Variants in SORCS1 observed in about 807,000 individuals in gnomAD.
The protein encoded by SORCS1 is sortilin related VPS10 domain containing receptor 1.
A neutral mutation model predicts 146.1 loss-of-function variants in SORCS1; 60 were observed. That is an observed-to-expected ratio of 0.41 (90% CI 0.33 to 0.51). SORCS1 has a LOEUF of 0.51. Among genes scored for constraint, SORCS1 ranks in the 20% least tolerant of loss-of-function variants. The pLI, the probability that SORCS1 is intolerant of heterozygous loss-of-function variation, is 0.21. For synonymous variants in SORCS1, 637 were observed against 584.0 expected, an observed-to-expected ratio of 1.09 and a Z score of -1.31; for missense variants, 1,352 against 1,487.6, an observed-to-expected ratio of 0.91 and a Z score of 1.50.
At chr10:106,869,490 C>G (rs1236162053) in intron 2 of SORCS1, among the ~76,000 whole-genome samples, 3 of 152,142 alleles carry the variant, frequency 2.0e-5, no homozygotes, top group Non-Finnish European at 4.4e-5. Context: ...AAAGTTAATC[C>G]ACCATGATCA....
chr10:106,961,905 T>C (rs536435557), intron 1 of SORCS1, among the ~76,000 whole-genome samples: 1 of 152,364 alleles, frequency 6.6e-6, no homozygotes, highest in East Asian at 1.9e-4. Flanking sequence ...CACTCTGCTA[T>C]ACATTGCCAC....
At chr10:107,018,388 G>A (rs549734981) in intron 1 of SORCS1, among the ~76,000 whole-genome samples, 11 of 151,174 alleles carry the variant, frequency 7.3e-5, no homozygotes, top group South Asian at 2.1e-4. Context: ...GGGTTTCACC[G>A]TGTTAGCCAG....
chr10:106,956,742 C>T lies in SORCS1; in HGVS notation c.559-162G>A, dbSNP rs555005579. 9.3e-4 allele frequency among the ~76,000 whole-genome samples: 141 copies of T among 152,318 alleles called. 1 individual carries two copies. Among genetic ancestry groups the T allele is most frequent in the African/African-American group, 3.3e-3 (139 of 41,562 alleles). On this transcript the variant is annotated intron_variant, in intron 1 of 25. Transcript: ENST00000263054. Reference sequence around the variant, plus strand: ...ACTGACTGGGGAAAGGTTGGCTTGTCTTTCTGCCTTCCACTGAATTGCTTA... The same window carrying T: ...ACTGACTGGGGAAAGGTTGGCTTGTTTTTCTGCCTTCCACTGAATTGCTTA...
chr10:106,706,164 T>A (rs972169253), intron 8 of SORCS1, among the ~76,000 whole-genome samples: 2 of 140,468 alleles, frequency 1.4e-5, no homozygotes, highest in African/African-American at 5.3e-5. Context: ...ATATGAATGT[T>A]CCTATAGCAA....
At chr10:107,051,063 C>G (rs1960061770) in intron 1 of SORCS1, among the ~76,000 whole-genome samples, 1 of 152,066 alleles carries the variant, frequency 6.6e-6, no homozygotes, top group Admixed American at 6.6e-5. Context: ...CAATTGAACA[C>G]CTACAATGGA....
intron 3 of SORCS1, 126 bp downstream of exon 3, chr10:106,829,448 T>TC (rs1317379516): frequency 1.6e-6 from 1 of 635,376 alleles, no homozygotes; most frequent in Non-Finnish European, 2.8e-6. Flanking sequence ...TTAACATCCA[T>TC]CAACCCATCT....
chr10:107,154,083 C>T (rs926605449), intron 1 of SORCS1, among the ~76,000 whole-genome samples: 2 of 135,594 alleles, frequency 1.5e-5, no homozygotes, highest in Non-Finnish European at 3.0e-5. Flanking sequence ...ACCATCTTGG[C>T]TCACTGCAAC....
chr10:107,086,561 A>G (rs1481245893), intron 1 of SORCS1, among the ~76,000 whole-genome samples: 1 of 152,252 alleles, frequency 6.6e-6, no homozygotes, highest in Non-Finnish European at 1.5e-5. Context: ...TTCGCCATTT[A>G]TAGCTGTGGA....
chr10:106,752,251 GA>G (rs1858311464), intron 5 of SORCS1, among the ~76,000 whole-genome samples: 1 of 152,114 alleles, frequency 6.6e-6, no homozygotes. Context: ...TAAATTCAGA[GA>G]AGAAAGAGAT....
chr10:106,917,292 C>T (rs1952492569), intron 2 of SORCS1, among the ~76,000 whole-genome samples: 1 of 152,176 alleles, frequency 6.6e-6, no homozygotes, highest in Admixed American at 6.5e-5. Context: ...ACTGGCACTA[C>T]ATCTATTTTG....
At chr10:106,796,916 T>C (rs540545637) in intron 3 of SORCS1, among the ~76,000 whole-genome samples, 95 of 152,292 alleles carry the variant, frequency 6.2e-4, no homozygotes, top group African/African-American at 2.1e-3. Context: ...GAGACCATCC[T>C]GCCAACATGG....
Position 107,060,343 on chromosome 10 carries a change from G to A in SORCS1, c.558+103626C>T, listed in dbSNP as rs1197093355. ...TACTAGTACTGAGGAGGGTTCTTGCGAGATTAAAGTTAATTAAAAGATGAG... is the reference window on the plus strand; with the variant it reads ...TACTAGTACTGAGGAGGGTTCTTGCAAGATTAAAGTTAATTAAAAGATGAG... On this transcript the variant is annotated intron_variant, in intron 1 of 25. Coordinates refer to ENST00000263054, the MANE Select transcript of SORCS1 (RefSeq NM_052918.5). This position sits in a 1 kb window ranked among gnomAD's most constrained non-coding sequence, Gnocchi z 4.1. Among the ~76,000 whole-genome samples the A allele has an allele frequency of 2.0e-5, 3 of 152,152 alleles. No individual in the cohort carries two copies. Among genetic ancestry groups the A allele is most frequent in the Non-Finnish European group, 4.4e-5 (3 of 68,034 alleles).
chr10:106,954,939 C>G (rs975054779), intron 2 of SORCS1, among the ~76,000 whole-genome samples: 3 of 152,354 alleles, frequency 2.0e-5, no homozygotes, highest in African/African-American at 7.2e-5. Flanking sequence ...CACCCAACAG[C>G]GAGTGAGAAA....
In SORCS1 at chr10:106,688,281, T is replaced by A. The variant is rs770320188; in HGVS notation, c.1471A>T (p.Thr491Ser). ...ANKKIDNQVK[T>S]FITYNKGRDW... ...CTGCCTTTGTTATATGTGATGAAAG[T>A]CTTCACTTGGTTGTCAATCTTCTTG... The change falls in exon 10 of 26, where the codon ACT becomes TCT. Residue 491 changes from threonine (T) to serine (S), a missense_variant. Around this residue, in one of 3 missense-constraint regions of SORCS1, gnomAD observed 648 missense variants for 793.8 expected, o/e 0.82. Coordinates refer to ENST00000263054, the MANE Select transcript of SORCS1 (RefSeq NM_052918.5). The A allele has an allele frequency of 1.4e-5, 23 of 1,613,944 alleles. No individual in the cohort carries two copies. The highest frequency in any genetic ancestry group is 1.9e-5 in the Non-Finnish European group (23 of 1,179,934).
At chr10:107,157,566 T>C (rs1969385970) in intron 1 of SORCS1, among the ~76,000 whole-genome samples, 2 of 152,240 alleles carry the variant, frequency 1.3e-5, no homozygotes, top group Admixed American at 1.3e-4. Context: ...TAAAGTGGTA[T>C]AAAAACATTC....
intron 1 of SORCS1, among the ~76,000 whole-genome samples, chr10:107,149,110 G>A (rs377249308): frequency 3.3e-5 from 5 of 152,182 alleles, no homozygotes; most frequent in South Asian, 2.1e-4. Flanking sequence ...ACTACTCACT[G>A]GCTGGTAAGC....
At chr10:106,634,885 C>T (rs993869668) in intron 18 of SORCS1, among the ~76,000 whole-genome samples, 3 of 152,160 alleles carry the variant, frequency 2.0e-5, no homozygotes, top group African/African-American at 7.2e-5. Context: ...GAAACTAAAT[C>T]CAGGCTGGCA....
At chr10:106,730,228 A>C (rs778954958) in intron 5 of SORCS1, 114 bp from the exon 6 acceptor site, 3 of 827,624 alleles carry the variant, frequency 3.6e-6, no homozygotes, top group Non-Finnish European at 6.0e-6. Context: ...CTAAACCCAC[A>C]ATCCTTAGAA....
chr10:107,041,967 T>C (rs558200586), intron 1 of SORCS1, among the ~76,000 whole-genome samples: 1 of 152,350 alleles, frequency 6.6e-6, no homozygotes, highest in Non-Finnish European at 1.5e-5. Flanking sequence ...TAAAAATTCT[T>C]GTTCCAGTTT....
Sources: gnomAD v4.1 joint callset for allele counts (sites outside exome capture counted in the v4.1 genomes callset) on GRCh38, gnomAD v4.1.1 for gene constraint, gnomAD v4.1.1 regional missense constraint, Gnocchi (gnomAD v3.1) non-coding constraint, MANE v1.5 for transcripts, NCBI Gene and HGNC (gene_info 2026-07-23, HGNC 2026-07-21) for gene names.